The following UBE2O variants were observed in gnomAD, a reference collection of about 807,000 sequenced individuals.
UBE2O encodes (E3-independent) E2 ubiquitin-conjugating enzyme.
Under a neutral mutation model 125.8 loss-of-function variants are expected in UBE2O, and 15 were observed. The ratio of observed to expected loss-of-function variants is 0.12; its 90% confidence interval spans 0.08 to 0.18. UBE2O has a LOEUF of 0.18. UBE2O is among the 10% of genes least tolerant of loss of function. The probability of loss-of-function intolerance (pLI) is 1.00; values close to 1 mark genes in which losing one functional copy is unlikely to be tolerated. For missense variants in UBE2O, 1,280 were observed against 1,723.6 expected (o/e 0.74, Z 4.56); for synonymous variants, 708 against 703.2 (o/e 1.01, Z -0.11).
intron 1 of UBE2O, among the ~76,000 whole-genome samples, chr17:76,415,040 T>G (rs983048658): frequency 2.6e-5 from 4 of 152,310 alleles, no homozygotes; most frequent in Admixed American, 2.6e-4. Context: ...CAGGCCTGAC[T>G]GGGTATCACT....
At chr17:76,422,024 T>C (rs1382291760) in intron 1 of UBE2O, among the ~76,000 whole-genome samples, 1 of 152,224 alleles carries the variant, frequency 6.6e-6, no homozygotes, top group African/African-American at 2.4e-5. Flanking sequence ...TCAAAGGATC[T>C]GCTGTGTCCT....
intron 1 of UBE2O, among the ~76,000 whole-genome samples, chr17:76,449,099 T>C (rs2073194240): frequency 1.3e-5 from 2 of 152,280 alleles, no homozygotes; most frequent in South Asian, 4.1e-4. Context: ...GCTATTTTCA[T>C]GAAGGCAGCA....
At position 76,391,875 on chromosome 17, in the gene UBE2O, C is replaced by A. The variant is rs776636676; in HGVS notation, c.3150+35G>T. The stretch of plus-strand genomic sequence containing the variant: ...GGCCCCTATCCACCAGTGGCTCTTC[C>A]TCCTTCTTGGCTGGGGGCCTGGCCC... On this transcript the variant is annotated intron_variant, in intron 16 of 17. Transcript: ENST00000319380. The surrounding 1 kb of genome is among the most constrained non-coding windows in gnomAD (Gnocchi z 8.4). 2 of 1,613,750 alleles carry A rather than the reference C, an allele frequency of 1.2e-6. No homozygotes were observed. The highest frequency in any genetic ancestry group is 2.2e-5 in the East Asian group (1 of 44,890).
rs2072267809 is a variant in UBE2O, at chr17:76,399,033, C to G, written c.1629-42G>C. On this transcript the variant is annotated intron_variant, in intron 9 of 17. Transcript: ENST00000319380. The surrounding 1 kb of genome is among the most constrained non-coding windows in gnomAD (Gnocchi z 6.9). Reference sequence around the variant, plus strand: ...GTCAGCAGGCCATGCAAACCCCACCCCCTCCGCGGAAAGGGCAGAGAGTCT... The same window carrying G: ...GTCAGCAGGCCATGCAAACCCCACCGCCTCCGCGGAAAGGGCAGAGAGTCT... 1 of 1,603,416 alleles carries G rather than the reference C, an allele frequency of 6.2e-7. No individual in the cohort carries two copies. The highest frequency in any genetic ancestry group is 1.3e-5 in the African/African-American group (1 of 74,816).
rs923596414 is a variant in UBE2O at position 76,453,116 on chromosome 17, G to A, written c.26C>T (p.Pro9Leu). MADPAAPT[P>L]AAPAPAQAPA... ...GGCCTGGGCTGGAGCGGGAGCTGCG[G>A]GCGTGGGGGCTGCGGGATCCGCCAT... The change falls in exon 1 of 18, where the codon CCC (proline) becomes CTC (leucine). Residue 9 changes from proline to leucine, a missense_variant. Pro to Leu is a moderately conservative substitution (Grantham distance 98). Around this residue, in one of 10 missense-constraint regions of UBE2O, gnomAD observed 188 missense variants for 192.5 expected, o/e 0.98. Coordinates refer to ENST00000319380, the MANE Select transcript of UBE2O (RefSeq NM_022066.4). 3.8e-6 allele frequency: 3 copies of A among 790,136 alleles called. No homozygotes were observed. Among genetic ancestry groups the A allele is most frequent in the South Asian group, 6.9e-5 (2 of 29,026 alleles). 48.9% of individuals were successfully genotyped at this position (790,136 alleles called of 1,614,324 possible). A position where few individuals can be genotyped will look rare whatever the true frequency, so the allele number is the denominator to read the frequency against.
intron 1 of UBE2O, among the ~76,000 whole-genome samples, chr17:76,450,201 G>C (rs1313957245): frequency 6.6e-6 from 1 of 151,950 alleles, no homozygotes; most frequent in African/African-American, 2.4e-5. Context: ...CTATCACCTT[G>C]ATGGAATTCA....
At chr17:76,425,439 T>C (rs2072796693) in intron 1 of UBE2O, among the ~76,000 whole-genome samples, 1 of 152,184 alleles carries the variant, frequency 6.6e-6, no homozygotes, top group South Asian at 2.1e-4. Context: ...CTGTGCTCTT[T>C]TGAAGCAAAT....
At chr17:76,421,283 C>G (rs2072706056) in intron 1 of UBE2O, among the ~76,000 whole-genome samples, 1 of 152,200 alleles carries the variant, frequency 6.6e-6, no homozygotes, top group South Asian at 2.1e-4. Flanking sequence ...ACCACATGGT[C>G]ACCATTCTTC....
chr17:76,405,511 A>T lies in UBE2O; in HGVS notation c.477+2T>A. On this transcript the variant is annotated splice_donor_variant, in intron 2 of 17. Coordinates refer to ENST00000319380, the MANE Select transcript of UBE2O (RefSeq NM_022066.4). LOFTEE classifies it high-confidence loss of function. This position sits in a 1 kb window ranked among gnomAD's most constrained non-coding sequence, Gnocchi z 6.1. ...GGGCTGGGGTGGGGACGCAGGACTCACGGTGGATCGCATGTGCCGGACCAC... is the reference window on the plus strand; with the variant it reads ...GGGCTGGGGTGGGGACGCAGGACTCTCGGTGGATCGCATGTGCCGGACCAC... 1 of 1,597,112 alleles carries T rather than the reference A, an allele frequency of 6.3e-7. No homozygotes were observed. Among genetic ancestry groups the T allele is most frequent in the Non-Finnish European group, 8.5e-7 (1 of 1,174,064 alleles).
Position 76,391,210 on chromosome 17 carries a change from A to C in UBE2O, c.3612T>G (p.Gly1204=). ...TGCTAGCTGAGGCCAGGCCCTGGGC[A>C]CCGCCCTCTGAGTCTGAGCCCTGGG... ...EASQGSDSEG[G]AQGLASASRD... The change falls in exon 18 of 18, where the codon GGT becomes GGG. Residue 1204 remains glycine (G), a synonymous_variant. Coordinates refer to ENST00000319380, the MANE Select transcript of UBE2O (RefSeq NM_022066.4). The surrounding 1 kb of genome is among the most constrained non-coding windows in gnomAD (Gnocchi z 8.4). 3 of 1,613,188 alleles carry C rather than the reference A, an allele frequency of 1.9e-6. No individual in the cohort carries two copies. Among genetic ancestry groups the C allele is most frequent in the Non-Finnish European group, 2.5e-6 (3 of 1,179,458 alleles).
In UBE2O at chr17:76,410,557, C is replaced by T. The variant is rs73357595; in HGVS notation, c.418-4985G>A. Among the ~76,000 whole-genome samples the T allele has an allele frequency of 5.2e-3, 798 of 152,218 alleles. 4 individuals carry two copies. The highest frequency in any genetic ancestry group is 0.018 in the African/African-American group (753 of 41,532). ...AACAATGGCAGAGAAGGTGGGTCTGCGGACCAGCCTCTGGATACATCAAGT... is the reference window on the plus strand; with the variant it reads ...AACAATGGCAGAGAAGGTGGGTCTGTGGACCAGCCTCTGGATACATCAAGT... On this transcript the variant is annotated intron_variant, in intron 1 of 17. Coordinates refer to ENST00000319380, the MANE Select transcript of UBE2O (RefSeq NM_022066.4). The surrounding 1 kb of genome is among the most constrained non-coding windows in gnomAD (Gnocchi z 4.0).
chr17:76,399,994 T>A lies in UBE2O; in HGVS notation c.1156-73A>T, dbSNP rs2072289671. ...AGGCCTGGCCCTAGGCATCTCAGGC[T>A]GGGGGGATGACAGCTGTATACACCT... On this transcript the variant is annotated intron_variant, in intron 8 of 17. Coordinates refer to ENST00000319380, the MANE Select transcript of UBE2O (RefSeq NM_022066.4). The surrounding 1 kb of genome is among the most constrained non-coding windows in gnomAD (Gnocchi z 6.9). 9.8e-6 allele frequency: 15 copies of A among 1,536,486 alleles called. No homozygotes were observed. The highest frequency in any genetic ancestry group is 1.1e-5 in the Non-Finnish European group (13 of 1,138,394).
Position 76,402,236 on chromosome 17 carries a change from T to A in UBE2O, c.687-109A>T. The A allele has an allele frequency of 1.0e-6, 1 of 967,248 alleles. No homozygotes were observed. Among genetic ancestry groups the A allele is most frequent in the Non-Finnish European group, 1.6e-6 (1 of 636,942 alleles). 59.9% of individuals were successfully genotyped at this position (967,248 alleles called of 1,614,324 possible). On this transcript the variant is annotated intron_variant, in intron 4 of 17. Transcript: ENST00000319380. The surrounding 1 kb of genome is among the most constrained non-coding windows in gnomAD (Gnocchi z 5.4). ...CACATGCCCTAAATAGCACAATTCG[T>A]CTTCTACCATCAACTCAGCCCGAGG... is the stretch of plus-strand genomic sequence containing the variant.
intron 1 of UBE2O, among the ~76,000 whole-genome samples, chr17:76,414,548 T>C (rs550073103): frequency 6.6e-6 from 1 of 152,214 alleles, no homozygotes; most frequent in South Asian, 2.1e-4. Context: ...CCCTCACCCC[T>C]GACACCCTCT....
At position 76,397,784 on chromosome 17, in the gene UBE2O, T is replaced by C. The variant is rs745886029; in HGVS notation, c.2115+15A>G. ...TAGTCACAAGCTCAGCAGGGGGGTCTTGCCAGAGCCTCACCTGGGGCAGGA... is the reference window on the plus strand; with the variant it reads ...TAGTCACAAGCTCAGCAGGGGGGTCCTGCCAGAGCCTCACCTGGGGCAGGA... On this transcript the variant is annotated intron_variant, in intron 13 of 17. Coordinates refer to ENST00000319380, the MANE Select transcript of UBE2O (RefSeq NM_022066.4). 2 of 1,613,840 alleles carry C rather than the reference T, an allele frequency of 1.2e-6. No homozygotes were observed. The highest frequency in any genetic ancestry group is 1.7e-6 in the Non-Finnish European group (2 of 1,179,788).
chr17:76,444,838 C>T (rs930555120), intron 1 of UBE2O, among the ~76,000 whole-genome samples: 1 of 152,188 alleles, frequency 6.6e-6, no homozygotes, highest in African/African-American at 2.4e-5. Context: ...ACAGTCAGAG[C>T]ACATGAATAC....
intron 15 of UBE2O, among the ~76,000 whole-genome samples, chr17:76,393,336 C>T (rs555243997): frequency 2.0e-5 from 3 of 151,386 alleles, no homozygotes; most frequent in South Asian, 2.1e-4. Context: ...GTGATCTTGG[C>T]TCACTGCAAC....
chr17:76,403,767 G>C (rs2072370700), intron 3 of UBE2O, among the ~76,000 whole-genome samples: 1 of 152,088 alleles, frequency 6.6e-6, no homozygotes, highest in Admixed American at 6.6e-5. Flanking sequence ...TTGGAGAAAT[G>C]GTTGATTCTG....
rs1246258359 is a variant in UBE2O, at chr17:76,396,763, C to G, written c.2174G>C (p.Ser725Thr). The G allele has an allele frequency of 6.2e-7, 1 of 1,613,186 alleles. No homozygotes were observed. Among genetic ancestry groups the G allele is most frequent in the Non-Finnish European group, 8.5e-7 (1 of 1,179,498 alleles). ...TTCATCCGAGGATGCCCCGCTGGTG[C>G]TGCCTTCTACCGAATCGTAGTCTGA... is the stretch of plus-strand genomic sequence containing the variant. ...EESDYDSVEGSTSGASSDEWE... is the reference protein window; with the variant it reads ...EESDYDSVEGTTSGASSDEWE... The change falls in exon 14 of 18, where the codon AGC becomes ACC. Residue 725 changes from serine to threonine, a missense_variant. Coordinates refer to ENST00000319380, the MANE Select transcript of UBE2O (RefSeq NM_022066.4). The surrounding 1 kb of genome is among the most constrained non-coding windows in gnomAD (Gnocchi z 6.7).
Sources: allele counts gnomAD v4.1 joint callset (sites outside exome capture counted in the v4.1 genomes callset), GRCh38; gene constraint gnomAD v4.1.1; regional missense constraint gnomAD v4.1.1; non-coding constraint Gnocchi (gnomAD v3.1); transcripts MANE v1.5; gene names NCBI Gene and HGNC (gene_info 2026-07-23, HGNC 2026-07-21).